TEX14: variants seen among roughly 807,000 people sequenced by gnomAD.
The protein encoded by TEX14 is inactive serine/threonine-protein kinase TEX14.
A neutral mutation model predicts 178.6 loss-of-function variants in TEX14; 168 were observed. The ratio of observed to expected loss-of-function variants is 0.94; its 90% CI spans 0.83 to 1.07. The LOEUF (loss-of-function observed/expected upper bound fraction) is 1.07, where lower values mean the gene tolerates loss of function less well. TEX14 is among the 50% of genes least tolerant of loss of function. The pLI, the probability that TEX14 is intolerant of heterozygous loss-of-function variation, is 0.00. For missense variants in TEX14, 1,730 were observed against 1,753.6 expected, an observed-to-expected ratio of 0.99 and a Z score of 0.24; for synonymous variants, 626 against 634.1, an observed-to-expected ratio of 0.99 and a Z score of 0.19.
intron 12 of TEX14, 147 bp downstream of exon 12, chr17:58,602,253 C>T (rs1315115902): frequency 3.7e-6 from 3 of 809,822 alleles, no homozygotes; most frequent in African/African-American, 3.5e-5. Flanking sequence ...AGCAGTTAGG[C>T]TATTATCAAG....
At chr17:58,662,024 G>C (rs1240118058) in intron 1 of TEX14, among the ~76,000 whole-genome samples, 1 of 151,998 alleles carries the variant, frequency 6.6e-6, no homozygotes, top group African/African-American at 2.4e-5. Context: ...CTGCCACACA[G>C]GGAAGTAGCA....
rs149167179 is a variant in TEX14, at chr17:58,691,757, T to A, written c.-2+182A>T. Among the ~76,000 whole-genome samples, 743 of 151,266 alleles carry A rather than the reference T, an allele frequency of 4.9e-3. 4 individuals are homozygous for A. The highest frequency in any genetic ancestry group is 6.5e-3 in the African/African-American group (266 of 41,196). On this transcript the variant is annotated intron_variant, in intron 1 of 31. Coordinates refer to ENST00000349033, the MANE Select transcript of TEX14 (RefSeq NM_031272.5). ...CTCACCTAGGCAAGGAAGGAACTCATAAACCACCTTCTAAACTGCTTGCCT... is the reference window on the plus strand; with the variant it reads ...CTCACCTAGGCAAGGAAGGAACTCAAAAACCACCTTCTAAACTGCTTGCCT...
chr17:58,583,182 G>C (rs1024734906), intron 19 of TEX14, among the ~76,000 whole-genome samples: 3 of 151,774 alleles, frequency 2.0e-5, no homozygotes, highest in African/African-American at 4.8e-5. Context: ...CCCCAGGCTG[G>C]AGTGCAGTGG....
intron 2 of TEX14, among the ~76,000 whole-genome samples, chr17:58,640,816 A>G (rs2046556846): frequency 6.6e-6 from 1 of 152,004 alleles, no homozygotes; most frequent in African/African-American, 2.4e-5. Context: ...GCCTCCTGGG[A>G]TCAAGCCATC....
At chr17:58,661,217 A>C in intron 1 of TEX14, 1 of 796,554 alleles carries the variant, frequency 1.3e-6, no homozygotes. Context: ...GGTTTGGGGC[A>C]GCTCAAACTC....
At position 58,605,109 on chromosome 17, in the gene TEX14, C is replaced by T. The variant is rs778741381; in HGVS notation, c.1205G>A (p.Arg402Lys). ...AGGAAGGGGCACTCGAGTCAGGTCCCTCTGTACACCTCTGTCCTCGCTACG... is the reference window on the plus strand; with the variant it reads ...AGGAAGGGGCACTCGAGTCAGGTCCTTCTGTACACCTCTGTCCTCGCTACG... Reference protein sequence around the residue: ...MLESEDRGVQRDLTRVPLPTQ... With the variant: ...MLESEDRGVQKDLTRVPLPTQ... Residue 402 changes from arginine to lysine, a missense_variant, in exon 11 of 32, where the codon AGG becomes AAG. Arg to Lys is a conservative substitution (Grantham distance 26). This residue lies in a region of TEX14 where 789 missense variants were observed against 681.2 expected (regional missense o/e 1.16). Transcript: ENST00000349033. The T allele has an allele frequency of 1.2e-6, 2 of 1,614,000 alleles. No individual in the cohort carries two copies. The highest frequency in any genetic ancestry group is 8.5e-7 in the Non-Finnish European group (1 of 1,179,994).
intron 5 of TEX14, among the ~76,000 whole-genome samples, chr17:58,618,952 C>T (rs1414119359): frequency 6.6e-6 from 1 of 152,248 alleles, no homozygotes; most frequent in African/African-American, 2.4e-5. Context: ...GTCACTCTCA[C>T]TTGAGTAAAC....
chr17:58,600,784 G>T (rs1401050211), intron 13 of TEX14, among the ~76,000 whole-genome samples: 1 of 152,040 alleles, frequency 6.6e-6, no homozygotes, highest in Non-Finnish European at 1.5e-5. Flanking sequence ...TGGTCATTTG[G>T]CTGGAATTGG....
intron 15 of TEX14, among the ~76,000 whole-genome samples, chr17:58,589,608 C>T (rs1272100434): frequency 6.9e-6 from 1 of 145,744 alleles, no homozygotes; most frequent in African/African-American, 2.6e-5. Context: ...ATATGAATTC[C>T]CTGTTATCTA....
At chr17:58,574,958 A>G (rs2044641292) in intron 21 of TEX14, among the ~76,000 whole-genome samples, 1 of 152,178 alleles carries the variant, frequency 6.6e-6, no homozygotes, top group Non-Finnish European at 1.5e-5. Context: ...ATAGTGTACC[A>G]GGAGAGGCCA....
At chr17:58,597,769 T>G (rs2045324830) in intron 14 of TEX14, among the ~76,000 whole-genome samples, 1 of 152,194 alleles carries the variant, frequency 6.6e-6, no homozygotes, top group Admixed American at 6.5e-5. Context: ...ATTCCTTCAC[T>G]GACTATTTAC....
intron 28 of TEX14, 113 bp from the exon 29 acceptor site, chr17:58,561,725 T>C: frequency 2.9e-6 from 2 of 697,672 alleles, no homozygotes; most frequent in Admixed American, 4.9e-5. Context: ...GCTTTCACTA[T>C]ATGTATGAAA....
chr17:58,639,803 T>C (rs956986651), intron 2 of TEX14, among the ~76,000 whole-genome samples: 1 of 152,162 alleles, frequency 6.6e-6, no homozygotes, highest in African/African-American at 2.4e-5. Context: ...TCCTAAGGGT[T>C]TGACTTTCGA....
At chr17:58,615,132 G>C (rs1311401777) in intron 8 of TEX14, 100 bp downstream of exon 8, 1 of 661,158 alleles carries the variant, frequency 1.5e-6, no homozygotes, top group Non-Finnish European at 2.7e-6. Context: ...GAGACTGAGA[G>C]CAGCTGGAGC....
At chr17:58,671,857 T>TTA (rs781455561) in intron 1 of TEX14, among the ~76,000 whole-genome samples, 1 of 152,118 alleles carries the variant, frequency 6.6e-6, no homozygotes, top group Non-Finnish European at 1.5e-5. Context: ...ATCTAATCCT[T>TTA]TAGACTTTCC....
chr17:58,605,043 TGTAAGATCACTTCTG>T lies in TEX14; in HGVS notation c.1256_1270del (p.Pro419_Leu423del). ...GTCTGATTTCACTGTGGCTGCCTTCTGTAAGATCACTTCTGGTGCGGCCCAGTTGTATAGCTGCGT... is the reference window on the plus strand; with the variant it reads ...GTCTGATTTCACTGTGGCTGCCTTCTGTGCGGCCCAGTTGTATAGCTGCGT... On this transcript the variant is annotated inframe_deletion, in exon 11 of 32. Coordinates refer to ENST00000349033, the MANE Select transcript of TEX14 (RefSeq NM_031272.5). 1 of 1,614,256 alleles carries T rather than the reference TGTAAGATCACTTCTG, an allele frequency of 6.2e-7. No individual in the cohort carries two copies. The highest frequency in any genetic ancestry group is 8.5e-7 in the Non-Finnish European group (1 of 1,180,036).
At position 58,679,962 on chromosome 17, in the gene TEX14, C is replaced by A. The variant is rs181269802; in HGVS notation, c.-2+11977G>T. Among the ~76,000 whole-genome samples, 44 of 152,206 alleles carry A rather than the reference C, an allele frequency of 2.9e-4. 1 individual carries two copies. In the East Asian group the frequency reaches 7.5e-3, roughly 26 times the overall value. On this transcript the variant is annotated intron_variant, in intron 1 of 31. Coordinates refer to ENST00000349033, the MANE Select transcript of TEX14 (RefSeq NM_031272.5). Reference sequence around the variant, plus strand: ...ATTCAGTATGTCCTTTCCTAGTATGCTTGGTGACACGACTGAAATAAAACT... The same window carrying A: ...ATTCAGTATGTCCTTTCCTAGTATGATTGGTGACACGACTGAAATAAAACT...
intron 1 of TEX14, among the ~76,000 whole-genome samples, chr17:58,687,013 A>G (rs565560320): frequency 1.3e-5 from 2 of 152,024 alleles, no homozygotes; most frequent in South Asian, 4.2e-4. Context: ...AGCTGGGATT[A>G]CAGATGCCCA....
At chr17:58,612,563 C>T (rs2045771191) in intron 9 of TEX14, among the ~76,000 whole-genome samples, 4 of 151,486 alleles carry the variant, frequency 2.6e-5, no homozygotes, top group African/African-American at 7.3e-5. Context: ...GGTGAAACCC[C>T]GTCTCTACTA....
Sources: allele counts gnomAD v4.1 joint callset (sites outside exome capture counted in the v4.1 genomes callset), GRCh38; gene constraint gnomAD v4.1.1; regional missense constraint gnomAD v4.1.1; transcripts MANE v1.5; gene names NCBI Gene and HGNC (gene_info 2026-07-23, HGNC 2026-07-21).